The following LOC400499 variants were observed in gnomAD, a reference collection of about 807,000 sequenced individuals.
At chr16:11,484,812 A>G in the LOC400499 span, 5 of 398,590 alleles carry the variant, frequency 1.3e-5, no homozygotes, top group African/African-American at 1.0e-4. Context: ...CTCAGGTTCA[A>G]AAGTCCACGC....
the LOC400499 span, among the ~76,000 whole-genome samples, chr16:11,498,192 T>C: frequency 6.6e-6 from 1 of 151,998 alleles, no homozygotes; most frequent in African/African-American, 2.4e-5. Flanking sequence ...AAAGACACCA[T>C]TAAGAAGGCC....
At chr16:11,440,285 T>A in the LOC400499 span, among the ~76,000 whole-genome samples, 1 of 152,220 alleles carries the variant, frequency 6.6e-6, no homozygotes. Flanking sequence ...CCTGGACATA[T>A]AGCTAAAACT....
At chr16:11,524,870 G>A in the LOC400499 span, among the ~76,000 whole-genome samples, 3 of 152,124 alleles carry the variant, frequency 2.0e-5, no homozygotes, top group East Asian at 3.9e-4. Context: ...CATTAAGCAG[G>A]CATTCATCTG....
chr16:11,517,033 A>G, the LOC400499 span, among the ~76,000 whole-genome samples: 1 of 152,158 alleles, frequency 6.6e-6, no homozygotes, highest in African/African-American at 2.4e-5. Flanking sequence ...TCTTCTGCCT[A>G]AAGACAGATC....
At chr16:11,457,133 T>C in the LOC400499 span, 103 of 1,224,218 alleles carry the variant, frequency 8.4e-5, no homozygotes, top group Middle Eastern at 5.1e-4. Context: ...CGAGCCAAGA[T>C]TGCACTACTG....
chr16:11,469,714 T>C, the LOC400499 span: 2 of 398,764 alleles, frequency 5.0e-6, no homozygotes, highest in Non-Finnish European at 8.8e-6. Context: ...ACCTGTACCC[T>C]TCAGACACTC....
chr16:11,391,931 G>A, the LOC400499 span: 19 of 790,284 alleles, frequency 2.4e-5, no homozygotes, highest in East Asian at 6.4e-4. Flanking sequence ...CCTCCTGCCT[G>A]GTGAGTGGGG....
chr16:11,429,332 C>T, the LOC400499 span, among the ~76,000 whole-genome samples: 2 of 152,190 alleles, frequency 1.3e-5, no homozygotes, highest in East Asian at 3.8e-4. Context: ...ATGCACCATA[C>T]TTCCAGTACA....
the LOC400499 span, among the ~76,000 whole-genome samples, chr16:11,374,555 C>T: frequency 1.7e-3 from 266 of 152,308 alleles, no homozygotes; most frequent in African/African-American, 6.2e-3. Flanking sequence ...TACTCGAGGT[C>T]CTTCAAATAA....
At chr16:11,405,284 C>A in the LOC400499 span, among the ~76,000 whole-genome samples, 1 of 152,178 alleles carries the variant, frequency 6.6e-6, no homozygotes, top group Non-Finnish European at 1.5e-5. Flanking sequence ...GTTGGTATTG[C>A]GGTTTCTCAA....
At chr16:11,417,528 A>G in the LOC400499 span, 47,724 of 397,754 alleles carry the variant, frequency 0.12, 3,668 homozygotes, top group African/African-American at 0.28. Flanking sequence ...GCCACACTGG[A>G]CTTGACAGGA....
At chr16:11,445,667 A>C in the LOC400499 span, among the ~76,000 whole-genome samples, 4 of 152,122 alleles carry the variant, frequency 2.6e-5, no homozygotes, top group African/African-American at 7.2e-5. Context: ...CAGGCCACGA[A>C]GCAGGGCTGA....
the LOC400499 span, chr16:11,399,430 G>C: frequency 2.4e-6 from 1 of 421,038 alleles, no homozygotes. Flanking sequence ...AGGTGGAGCC[G>C]CCTGGGGGTT....
the LOC400499 span, chr16:11,515,990 G>T: frequency 2.5e-5 from 10 of 399,842 alleles, no homozygotes; most frequent in African/African-American, 1.8e-4. Flanking sequence ...GGAGCACCGT[G>T]CCAGGTCCTT....
At chr16:11,463,379 CGGATGTGTGTGTATGAATGTGTGT>C in the LOC400499 span, among the ~76,000 whole-genome samples, 1 of 151,912 alleles carries the variant, frequency 6.6e-6, no homozygotes, top group Non-Finnish European at 1.5e-5. Context: ...GATGTGTGTG[CGGATGTGTGTGTATGAATGTGTGT>C]GGATGTGTGT....
At chr16:11,468,405 C>T in the LOC400499 span, among the ~76,000 whole-genome samples, 2 of 152,108 alleles carry the variant, frequency 1.3e-5, no homozygotes, top group South Asian at 2.1e-4. Flanking sequence ...CTCAGTGCAG[C>T]CTTGACCTTC....
At chr16:11,420,597 A>C in the LOC400499 span, among the ~76,000 whole-genome samples, 782 of 91,800 alleles carry the variant, frequency 8.5e-3, 1 homozygote, top group Admixed American at 8.6e-3. Flanking sequence ...ATAATAATAA[A>C]CCCCCCCCCC....
At chr16:11,408,818 G>A in the LOC400499 span, among the ~76,000 whole-genome samples, 1 of 151,958 alleles carries the variant, frequency 6.6e-6, no homozygotes, top group East Asian at 1.9e-4. Flanking sequence ...AATTATATCT[G>A]CAACTTACTT....
At chr16:11,505,902 G>C in the LOC400499 span, among the ~76,000 whole-genome samples, 1 of 152,040 alleles carries the variant, frequency 6.6e-6, no homozygotes, top group Non-Finnish European at 1.5e-5. Context: ...TTCTCTTCCA[G>C]CTATTTTTAA....
Sources: gnomAD v4.1 joint callset for allele counts (sites outside exome capture counted in the v4.1 genomes callset) on GRCh38, gnomAD v4.1.1 for gene constraint, MANE v1.5 for transcripts.